Variants in ATP6V1B1 observed in about 807,000 individuals in gnomAD.
ATP6V1B1 encodes the protein V-type proton ATPase subunit B, kidney isoform.
In ATP6V1B1, 41 loss-of-function variants were observed where a neutral mutation model predicts 62.1. The ratio of observed to expected loss-of-function variants is 0.66; its 90% CI spans 0.51 to 0.86. The LOEUF (loss-of-function observed/expected upper bound fraction) is 0.86. Ranked by LOEUF, ATP6V1B1 falls within the 40% of genes least tolerant of loss-of-function variation. The pLI, the probability that ATP6V1B1 is intolerant of heterozygous loss-of-function variation, is 0.00. For synonymous variants in ATP6V1B1, 253 were observed against 273.4 expected, an observed-to-expected ratio of 0.93 and a Z score of 0.74; for missense variants, 651 against 697.5, an observed-to-expected ratio of 0.93 and a Z score of 0.75.
intron 1 of ATP6V1B1, chr2:70,943,435 C>T: frequency 1.5e-6 from 1 of 675,594 alleles, no homozygotes; most frequent in Non-Finnish European, 2.7e-6. Context: ...TCTGCCTGGC[C>T]CTCCCCCAGC....
intron 2 of ATP6V1B1, among the ~76,000 whole-genome samples, chr2:70,951,185 T>G (rs554846166): frequency 1.1e-3 from 170 of 152,164 alleles, no homozygotes; most frequent in Non-Finnish European, 1.9e-3. Context: ...TCAGGTGATC[T>G]GCCCGCCTCG....
rs781865505 is a variant in ATP6V1B1 at position 70,958,475 on chromosome 2, G to A, written c.367+49G>A. ...GTGGGGGTGCTCCTCTGCCCTCCCAGCCCAGCTTCTCTGACCAAACCCTCA... is the reference window on the plus strand; with the variant it reads ...GTGGGGGTGCTCCTCTGCCCTCCCAACCCAGCTTCTCTGACCAAACCCTCA... On this transcript the variant is annotated intron_variant, in intron 4 of 13. Transcript: ENST00000234396. The A allele has an allele frequency of 4.0e-5, 63 of 1,565,526 alleles. 2 individuals carry two copies. In the East Asian group the frequency reaches 1.2e-3, roughly 29 times the overall value.
rs1553419708 is a variant in ATP6V1B1 at position 70,959,814 on chromosome 2, A to G, written c.446-125A>G. The G allele has an allele frequency of 7.0e-7, 1 of 1,435,900 alleles. No individual in the cohort carries two copies. The highest frequency in any genetic ancestry group is 1.4e-5 in the African/African-American group (1 of 71,102). The allele number at this position is 1,435,900 out of a possible 1,614,324, so 88.9% of individuals were successfully genotyped here. On this transcript the variant is annotated intron_variant, in intron 5 of 13. Coordinates refer to ENST00000234396, the MANE Select transcript of ATP6V1B1 (RefSeq NM_001692.4). This position sits in a 1 kb window ranked among gnomAD's most constrained non-coding sequence, Gnocchi z 4.2. ...GGGCTACATCAGGCAGCACGGCCAG[A>G]GCACGTTTCTATCATCACAGAAAGT... is the stretch of plus-strand genomic sequence containing the variant.
chr2:70,952,827 C>T (rs1189055337), intron 2 of ATP6V1B1, among the ~76,000 whole-genome samples: 1 of 152,062 alleles, frequency 6.6e-6, no homozygotes, highest in Non-Finnish European at 1.5e-5. Context: ...AATTGTTATT[C>T]ATTTTATTTT....
chr2:70,956,085 A>C (rs375764454), intron 2 of ATP6V1B1: 3 of 209,674 alleles, frequency 1.4e-5, no homozygotes, highest in African/African-American at 4.7e-5. Context: ...CAGCAAACTG[A>C]TCTGGGCCAT....
rs1175033343 is a variant in ATP6V1B1, at chr2:70,962,637, G to A, written c.786-140G>A. ...AACCATGGCCCTGGCCTAGGGGATG[G>A]GGGCAAGGGCTCATCTTATCCATTC... is the stretch of plus-strand genomic sequence containing the variant. On this transcript the variant is annotated intron_variant, in intron 8 of 13. Transcript: ENST00000234396. 3 of 1,383,610 alleles carry A rather than the reference G, an allele frequency of 2.2e-6. No individual in the cohort carries two copies. The African/African-American group carries it at 4.3e-5, about 20-fold the overall frequency. 85.7% of individuals were successfully genotyped at this position (1,383,610 alleles called of 1,614,324 possible).
intron 2 of ATP6V1B1, among the ~76,000 whole-genome samples, chr2:70,950,131 C>T (rs1402026937): frequency 6.6e-6 from 1 of 151,986 alleles, no homozygotes; most frequent in Non-Finnish European, 1.5e-5. Context: ...AACATTTGTT[C>T]TATAATAGTC....
intron 2 of ATP6V1B1, among the ~76,000 whole-genome samples, chr2:70,952,118 A>G (rs1553418382): frequency 6.6e-6 from 1 of 152,192 alleles, no homozygotes; most frequent in Non-Finnish European, 1.5e-5. Flanking sequence ...TTAATAGTTT[A>G]GTGTTCAAGT....
rs371567410 is a variant in ATP6V1B1 at position 70,965,166 on chromosome 2, C to G, written c.*45C>G. On this transcript the variant is annotated 3_prime_UTR_variant, in exon 14 of 14. Coordinates refer to ENST00000234396, the MANE Select transcript of ATP6V1B1 (RefSeq NM_001692.4). ...CCAACACCGGCAGGGAACCTACCCT[C>G]GGCTCCCGGGTCTCCCCTCCCTCGC... 167 of 1,596,714 alleles carry G rather than the reference C, an allele frequency of 1.0e-4. No homozygotes were observed. Among genetic ancestry groups the G allele is most frequent in the Non-Finnish European group, 1.4e-4 (161 of 1,178,218 alleles).
chr2:70,956,424 G>A lies in ATP6V1B1; in HGVS notation c.175-1622G>A, dbSNP rs80238646. On this transcript the variant is annotated intron_variant, in intron 2 of 13. Transcript: ENST00000234396. ...TTTTAATGCTGAATGATATTCTATTGTATGAATACATCATATTTTGTTTAT... is the reference window on the plus strand; with the variant it reads ...TTTTAATGCTGAATGATATTCTATTATATGAATACATCATATTTTGTTTAT... Among the ~76,000 whole-genome samples, 4 of 152,156 alleles carry A rather than the reference G, an allele frequency of 2.6e-5. No homozygotes were observed. In the East Asian group the frequency reaches 5.8e-4, roughly 22 times the overall value.
At position 70,964,842 on chromosome 2, in the gene ATP6V1B1, T is replaced by C; in HGVS notation, c.1355T>C (p.Phe452Ser). ...CTCTACCTGGAATTCCTGCAGAAGT[T>C]TGAGAAGAACTTCATCAATCAGGGT... ...DLLYLEFLQKFEKNFINQGPY... is the reference protein window; with the variant it reads ...DLLYLEFLQKSEKNFINQGPY... Residue 452 changes from phenylalanine (F) to serine (S), a missense_variant, in exon 13 of 14, where the codon TTT (phenylalanine) becomes TCT (serine). Coordinates refer to ENST00000234396, the MANE Select transcript of ATP6V1B1 (RefSeq NM_001692.4). 6.2e-7 allele frequency: 1 copy of C among 1,614,032 alleles called. No individual in the cohort carries two copies. Among genetic ancestry groups the C allele is most frequent in the Non-Finnish European group, 8.5e-7 (1 of 1,180,018 alleles).
chr2:70,938,417 C>A, intron 1 of ATP6V1B1: 1 of 428,096 alleles, frequency 2.3e-6, no homozygotes, highest in Non-Finnish European at 3.1e-6. Flanking sequence ...TCTGTAAGCA[C>A]TCCCAGACAG....
At chr2:70,940,608 CTCTG>C in intron 1 of ATP6V1B1, 1 of 985,420 alleles carries the variant, frequency 1.0e-6, no homozygotes, top group Non-Finnish European at 1.2e-6. Context: ...ATGCCCAAGC[CTCTG>C]TCTCCTACCC....
chr2:70,960,020 G>A lies in ATP6V1B1; in HGVS notation c.527G>A (p.Ser176Asn). The change falls in exon 6 of 14, where the codon AGC becomes AAC. Residue 176 changes from serine to asparagine, a missense_variant. Physicochemically the swap from Ser to Asn is conservative, Grantham distance 46. Transcript: ENST00000234396. ...TGISPIDVMN[S>N]IARGQKIPIF... ...ATTTCTCCTATTGACGTCATGAACAGCATTGCCCGCGGCCAGAAGATCCCC... is the reference window on the plus strand; with the variant it reads ...ATTTCTCCTATTGACGTCATGAACAACATTGCCCGCGGCCAGAAGATCCCC... 6.2e-7 allele frequency: 1 copy of A among 1,614,216 alleles called. No individual in the cohort carries two copies. Among genetic ancestry groups the A allele is most frequent in the South Asian group, 1.1e-5 (1 of 91,088 alleles).
intron 2 of ATP6V1B1, among the ~76,000 whole-genome samples, chr2:70,946,622 T>G (rs1680180932): frequency 6.6e-6 from 1 of 152,138 alleles, no homozygotes; most frequent in Admixed American, 6.5e-5. Context: ...TATTGTGAGG[T>G]TCACATCAGA....
chr2:70,945,477 A>G (rs527451187), intron 2 of ATP6V1B1, among the ~76,000 whole-genome samples: 36 of 146,916 alleles, frequency 2.5e-4, no homozygotes, highest in Admixed American at 4.0e-4. Flanking sequence ...AATTAGTTGG[A>G]CAAGAGGATA....
chr2:70,937,513 C>A (rs1472256210), intron 1 of ATP6V1B1, among the ~76,000 whole-genome samples: 1 of 151,958 alleles, frequency 6.6e-6, no homozygotes, highest in Non-Finnish European at 1.5e-5. Flanking sequence ...CGGATACTCC[C>A]TAGGCCAAAG....
At chr2:70,954,605 A>G (rs973262755) in intron 2 of ATP6V1B1, among the ~76,000 whole-genome samples, 5 of 151,990 alleles carry the variant, frequency 3.3e-5, no homozygotes, top group South Asian at 2.1e-4. Flanking sequence ...TTGTCTTTTT[A>G]CCATCAATAT....
intron 7 of ATP6V1B1, 106 bp downstream of exon 7, chr2:70,961,128 C>G: frequency 8.1e-7 from 1 of 1,238,256 alleles, no homozygotes; most frequent in Non-Finnish European, 1.2e-6. Context: ...ATCAGTGTCC[C>G]GGCCAGCCAG....
Sources: allele counts gnomAD v4.1 joint callset (sites outside exome capture counted in the v4.1 genomes callset), GRCh38; gene constraint gnomAD v4.1.1; non-coding constraint Gnocchi (gnomAD v3.1); transcripts MANE v1.5; gene names NCBI Gene and HGNC (gene_info 2026-07-23, HGNC 2026-07-21).